The following GUCY1A2 variants were observed in gnomAD, a reference collection of about 807,000 sequenced individuals.
The protein encoded by GUCY1A2 is guanylate cyclase soluble subunit alpha-2.
Under a neutral mutation model 63.5 loss-of-function variants are expected in GUCY1A2, and 27 were observed. The ratio of observed to expected loss-of-function variants is 0.43; its 90% CI spans 0.31 to 0.59. The LOEUF (loss-of-function observed/expected upper bound fraction) is 0.59, where lower values mean the gene tolerates loss of function less well. Ranked by LOEUF, GUCY1A2 falls within the 20% of genes least tolerant of loss-of-function variation. The pLI, the probability that GUCY1A2 is intolerant of heterozygous loss-of-function variation, is 0.11. For synonymous variants in GUCY1A2, 364 were observed against 343.5 expected (o/e 1.06, Z -0.66); for missense variants, 768 against 913.3 (o/e 0.84, Z 2.05).
chr11:106,768,170 A>G (rs768171421), intron 6 of GUCY1A2, among the ~76,000 whole-genome samples: 2 of 152,086 alleles, frequency 1.3e-5, no homozygotes, highest in Non-Finnish European at 2.9e-5. Flanking sequence ...CTCTTTCTAG[A>G]TAAGGTATTG....
chr11:106,842,009 G>A (rs988579808), intron 4 of GUCY1A2, among the ~76,000 whole-genome samples: 1 of 151,806 alleles, frequency 6.6e-6, no homozygotes, highest in Admixed American at 6.6e-5. Context: ...TCATTCCCCT[G>A]CACTCTAGTT....
At chr11:106,978,766 A>C in intron 2 of GUCY1A2, 26 bp from the exon 3 acceptor site, 2 of 1,576,710 alleles carry the variant, frequency 1.3e-6, no homozygotes, top group Non-Finnish European at 1.7e-6. Context: ...AATTAGCATA[A>C]GGAGAAATTT....
intron 7 of GUCY1A2, among the ~76,000 whole-genome samples, chr11:106,688,855 A>G (rs907714904): frequency 6.6e-6 from 1 of 152,206 alleles, no homozygotes; most frequent in Non-Finnish European, 1.5e-5. Flanking sequence ...TAGAAACAAG[A>G]ATATTGTAAA....
At chr11:106,910,768 C>T (rs1445639717) in intron 4 of GUCY1A2, among the ~76,000 whole-genome samples, 7 of 152,124 alleles carry the variant, frequency 4.6e-5, no homozygotes, top group African/African-American at 1.7e-4. Flanking sequence ...CCCATCATCC[C>T]AATTTGAAAC....
intron 1 of GUCY1A2, among the ~76,000 whole-genome samples, chr11:107,001,388 G>GTA (rs2120182423): frequency 6.6e-6 from 1 of 152,262 alleles, no homozygotes; most frequent in South Asian, 2.1e-4. Flanking sequence ...GTTGACTGGT[G>GTA]TAGAAGATCA....
intron 3 of GUCY1A2, among the ~76,000 whole-genome samples, chr11:106,962,620 TG>T (rs1214062642): frequency 6.7e-6 from 1 of 150,226 alleles, no homozygotes; most frequent in African/African-American, 2.5e-5. Flanking sequence ...TGGGAGTAGG[TG>T]GGGGGAGTTA....
intron 6 of GUCY1A2, among the ~76,000 whole-genome samples, chr11:106,747,427 T>C (rs185055717): frequency 5.3e-5 from 8 of 152,218 alleles, no homozygotes; most frequent in Non-Finnish European, 7.3e-5. Context: ...AAGACACCAA[T>C]TGACTTGACA....
intron 4 of GUCY1A2, among the ~76,000 whole-genome samples, chr11:106,878,921 C>A (rs1206493087): frequency 1.3e-5 from 2 of 151,840 alleles, no homozygotes; most frequent in Non-Finnish European, 2.9e-5. Flanking sequence ...ACCTACAGAA[C>A]AATAAGATAA....
At chr11:106,896,736 C>T (rs1860055007) in intron 4 of GUCY1A2, among the ~76,000 whole-genome samples, 2 of 152,168 alleles carry the variant, frequency 1.3e-5, no homozygotes, top group Admixed American at 6.5e-5. Flanking sequence ...ATACTGAAAG[C>T]AGAGAGCATC....
chr11:106,716,961 T>A (rs1442365291), intron 6 of GUCY1A2, among the ~76,000 whole-genome samples: 3 of 151,942 alleles, frequency 2.0e-5, no homozygotes, highest in Admixed American at 2.0e-4. Context: ...CTGCAGCAGA[T>A]CCGCTTGTAG....
chr11:107,007,889 AC>A lies in GUCY1A2; in HGVS notation c.303+9863del, dbSNP rs1435483640. On this transcript the variant is annotated intron_variant, in intron 1 of 7. Transcript: ENST00000526355. Reference sequence around the variant, plus strand: ...GATAGATTTACTGTCCCTCTAGCTTACAGATACACATTTCTTTAGGAGATAA... The same window carrying A: ...GATAGATTTACTGTCCCTCTAGCTTAAGATACACATTTCTTTAGGAGATAA... 6.5e-3 allele frequency among the ~76,000 whole-genome samples: 935 copies of A among 144,042 alleles called. 93 individuals are homozygous for A. In the East Asian group the frequency reaches 0.075, roughly 12 times the overall value. The allele number at this position is 144,042 out of a possible 152,430, so 94.5% of individuals were successfully genotyped here. A position where few individuals can be genotyped will look rare whatever the true frequency, so the allele number is the denominator to read the frequency against.
chr11:106,730,700 C>T (rs2135371065), intron 6 of GUCY1A2, among the ~76,000 whole-genome samples: 1 of 152,240 alleles, frequency 6.6e-6, no homozygotes, highest in Non-Finnish European at 1.5e-5. Flanking sequence ...ACACTGTCTT[C>T]CATAATGGCT....
At chr11:106,949,088 T>TTG (rs369414532) in intron 3 of GUCY1A2, among the ~76,000 whole-genome samples, 7 of 152,010 alleles carry the variant, frequency 4.6e-5, no homozygotes, top group African/African-American at 1.2e-4. Context: ...AAAATTACGA[T>TTG]TGTGTGTGTG....
chr11:106,731,739 A>G (rs1463117209), intron 6 of GUCY1A2, among the ~76,000 whole-genome samples: 1 of 152,134 alleles, frequency 6.6e-6, no homozygotes, highest in African/African-American at 2.4e-5. Flanking sequence ...CTATACACCA[A>G]CAACATCCAA....
intron 6 of GUCY1A2, among the ~76,000 whole-genome samples, chr11:106,752,364 T>C (rs966589781): frequency 2.6e-5 from 4 of 152,160 alleles, no homozygotes; most frequent in African/African-American, 7.2e-5. Flanking sequence ...GTTTATTCAA[T>C]AGAATATAGT....
At chr11:106,984,784 T>C (rs114125679) in intron 2 of GUCY1A2, among the ~76,000 whole-genome samples, 2,065 of 152,322 alleles carry the variant, frequency 0.014, 49 homozygotes, top group African/African-American at 0.047. Context: ...ATGAGAGTGA[T>C]TAAGTTTTAT....
intron 7 of GUCY1A2, among the ~76,000 whole-genome samples, chr11:106,706,001 TTAAC>T (rs1565263240): frequency 6.6e-6 from 1 of 152,212 alleles, no homozygotes; most frequent in Non-Finnish European, 1.5e-5. Context: ...TATAAAGTGT[TTAAC>T]TATGGTAGGA....
chr11:107,009,560 A>G (rs1164027674), intron 1 of GUCY1A2, among the ~76,000 whole-genome samples: 1 of 152,260 alleles, frequency 6.6e-6, no homozygotes, highest in African/African-American at 2.4e-5. Flanking sequence ...ACTACTGAAC[A>G]TAAACATAAG....
intron 4 of GUCY1A2, among the ~76,000 whole-genome samples, chr11:106,889,137 C>CTTTCTA (rs1452181554): frequency 6.6e-6 from 1 of 152,172 alleles, no homozygotes; most frequent in African/African-American, 2.4e-5. Context: ...CAGGTTTCCA[C>CTTTCTA]TTTCTATTAG....
Sources: allele counts gnomAD v4.1 joint callset (sites outside exome capture counted in the v4.1 genomes callset), GRCh38; gene constraint gnomAD v4.1.1; transcripts MANE v1.5; gene names NCBI Gene and HGNC (gene_info 2026-07-23, HGNC 2026-07-21).